The following OBSL1 variants were observed in gnomAD, a reference collection of about 807,000 sequenced individuals.
OBSL1 encodes the protein obscurin-like protein 1.
A neutral mutation model predicts 172.0 loss-of-function variants in OBSL1; 160 were observed. The observed-to-expected ratio is 0.93, with a 90% CI of 0.82 to 1.06. The LOEUF (loss-of-function observed/expected upper bound fraction) is 1.06. OBSL1 is among the 50% of genes least tolerant of loss of function. The probability of loss-of-function intolerance (pLI) is 0.00; values close to 1 mark genes in which losing one functional copy is unlikely to be tolerated. For synonymous variants in OBSL1, 1,200 were observed against 1,196.3 expected, an observed-to-expected ratio of 1.00 and a Z score of -0.06; for missense variants, 2,681 against 2,715.4, an observed-to-expected ratio of 0.99 and a Z score of 0.28.
intron 13 of OBSL1, 57 bp downstream of exon 13, chr2:219,556,397 C>A: frequency 6.2e-7 from 1 of 1,600,904 alleles, no homozygotes; most frequent in Non-Finnish European, 8.5e-7. Flanking sequence ...CTGCTGGAAT[C>A]CTGGTTGGGA....
At position 219,568,871 on chromosome 2, in the gene OBSL1, A is replaced by G. The variant is rs534534790; in HGVS notation, c.1013-547T>C. On this transcript the variant is annotated intron_variant, in intron 1 of 20. Transcript: ENST00000404537. This position sits in a 1 kb window ranked among gnomAD's most constrained non-coding sequence, Gnocchi z 4.1. ...GCAATTCTGGTGCCTCAGCCTCTCAAGTAGAGCTGGGATTACAGGCAGGCG... is the reference window on the plus strand; with the variant it reads ...GCAATTCTGGTGCCTCAGCCTCTCAGGTAGAGCTGGGATTACAGGCAGGCG... 3.9e-5 allele frequency among the ~76,000 whole-genome samples: 6 copies of G among 151,954 alleles called. No individual in the cohort carries two copies. The highest frequency in any genetic ancestry group is 1.4e-4 in the African/African-American group (6 of 41,484).
In OBSL1 at chr2:219,568,465, A is replaced by G. The variant is rs1697097752; in HGVS notation, c.1013-141T>C. 8.4e-6 allele frequency: 7 copies of G among 829,554 alleles called. 1 individual carries two copies. The South Asian group carries it at 1.3e-4, about 15-fold the overall frequency. 51.4% of individuals were successfully genotyped at this position (829,554 alleles called of 1,614,324 possible). A position where few individuals can be genotyped will look rare whatever the true frequency, so the allele number is the denominator to read the frequency against. On this transcript the variant is annotated intron_variant, in intron 1 of 20. Transcript: ENST00000404537. This position sits in a 1 kb window ranked among gnomAD's most constrained non-coding sequence, Gnocchi z 4.1. ...CACTGTGGAATCACAGAAAACTACC[A>G]GAAGGGAAGTGGTGGTTCCTAAGAT...
intron 5 of OBSL1, among the ~76,000 whole-genome samples, chr2:219,565,843 C>T (rs1004587494): frequency 1.3e-5 from 2 of 152,176 alleles, no homozygotes; most frequent in Admixed American, 6.5e-5. Flanking sequence ...GCCCCTCTGC[C>T]TGCGATGCTG....
chr2:219,552,493 G>A (rs752610663), intron 18 of OBSL1, 43 bp downstream of exon 18: 18 of 1,555,006 alleles, frequency 1.2e-5, no homozygotes, highest in Non-Finnish European at 1.4e-5. Flanking sequence ...TCGAGCCTGG[G>A]CGGGGCAGCG....
rs563580301 is a variant in OBSL1 at position 219,568,109 on chromosome 2, A to G, written c.1228T>C (p.Tyr410His). 1.2e-4 allele frequency: 200 copies of G among 1,613,788 alleles called. 1 individual carries two copies. In the South Asian group the frequency reaches 1.9e-3, roughly 15 times the overall value. The change falls in exon 2 of 21, where the codon TAC becomes CAC. Residue 410 changes from tyrosine to histidine, a missense_variant. Around this residue, in one of 5 missense-constraint regions of OBSL1, gnomAD observed 706 missense variants for 695.8 expected, o/e 1.01. Coordinates refer to ENST00000404537, the MANE Select transcript of OBSL1 (RefSeq NM_015311.3). This position sits in a 1 kb window ranked among gnomAD's most constrained non-coding sequence, Gnocchi z 4.1. The stretch of plus-strand genomic sequence containing the variant: ...ACCCGGCCCCGCATCTCGCACAGGT[A>G]GATACCATCATCGTCTGCCTTCAGC... The part of the protein sequence containing the change: ...HRLKADDDGI[Y>H]LCEMRGRVRT...
At chr2:219,555,217 A>G (rs1273093871) in intron 14 of OBSL1, 1 of 157,492 alleles carries the variant, frequency 6.3e-6, no homozygotes, top group African/African-American at 2.4e-5. Context: ...TGTGTCACAA[A>G]TGACAACCAT....
At chr2:219,567,678 C>T (rs1326417565) in intron 3 of OBSL1, 40 bp downstream of exon 3, 3 of 1,594,686 alleles carry the variant, frequency 1.9e-6, no homozygotes, top group Non-Finnish European at 2.6e-6. Context: ...GGCCAACCTC[C>T]TGCCCTGCCT....
chr2:219,556,644 T>C lies in OBSL1; in HGVS notation c.4146A>G (p.Glu1382=), dbSNP rs1348324212. The change falls in exon 13 of 21, where the codon GAA becomes GAG. Residue 1382 remains glutamate (E), a synonymous_variant. Transcript: ENST00000404537. The part of the protein sequence containing the change: ...HEGDDATFRC[E]VSPPDADVTW... The stretch of plus-strand genomic sequence containing the variant: ...TGACATCGGCATCTGGTGGGGAGAC[T>C]TCACACCGGAACGTGGCATCATCGC... 1 of 1,613,506 alleles carries C rather than the reference T, an allele frequency of 6.2e-7. No individual in the cohort carries two copies. The highest frequency in any genetic ancestry group is 8.5e-7 in the Non-Finnish European group (1 of 1,179,622).
rs770407031 is a variant in OBSL1 at position 219,563,622 on chromosome 2, G to C, written c.2413C>G (p.Pro805Ala). Residue 805 changes from proline to alanine, a missense_variant, in exon 7 of 21, where the codon CCC (proline) becomes GCC (alanine). Transcript: ENST00000404537. ...TCTCGGGGGTCCACGATGTGCACGGGAGGATCTGGGTGGGAAGCAGAGATG... is the reference window on the plus strand; with the variant it reads ...TCTCGGGGGTCCACGATGTGCACGGCAGGATCTGGGTGGGAAGCAGAGATG... ...AFFGVTVQDP[P>A]VHIVDPREHV... 27 of 1,610,922 alleles carry C rather than the reference G, an allele frequency of 1.7e-5. No individual in the cohort carries two copies. The South Asian group carries it at 2.1e-4, about 12-fold the overall frequency.
chr2:219,567,353 C>T lies in OBSL1; in HGVS notation c.1757G>A (p.Gly586Asp). The change falls in exon 4 of 21, where the codon GGT (glycine) becomes GAT (aspartate). Residue 586 changes from glycine (G) to aspartate (D), a missense_variant. This residue lies in a region of OBSL1 where 706 missense variants were observed against 695.8 expected (regional missense o/e 1.01). Transcript: ENST00000404537. ...TGTGCAGATGCGGAAGCGGTAGTCA[C>T]CCTCGGAGGGCACACAGTCGCCCGG... ...EVPGDCVPSEGDYRFRICTVS... is the reference protein window; with the variant it reads ...EVPGDCVPSEDDYRFRICTVS... 2 of 1,612,550 alleles carry T rather than the reference C, an allele frequency of 1.2e-6. No individual in the cohort carries two copies. Among genetic ancestry groups the T allele is most frequent in the Non-Finnish European group, 1.7e-6 (2 of 1,179,164 alleles).
chr2:219,549,176 G>A (rs763015024), downstream of OBSL1: 21 of 1,613,854 alleles, frequency 1.3e-5, no homozygotes, highest in African/African-American at 9.3e-5. Context: ...CAGCGCCGAC[G>A]CGTGCAACTG....
chr2:219,553,821 GTCCAAGAAGGATCTGTCAGT>G, intron 15 of OBSL1, 135 bp from the exon 16 acceptor site: 1 of 402,638 alleles, frequency 2.5e-6, no homozygotes. Context: ...GGGACAAGTG[GTCCAAGAAGGATCTGTCAGT>G]GGTGGGGGTG....
At position 219,557,425 on chromosome 2, in the gene OBSL1, C is replaced by T. The variant is rs1234259832; in HGVS notation, c.3984G>A (p.Val1328=). ...CAGCGTCCCCGCTCCGTGCCCCCTG[C>T]ACCCGCAGCACCTGCCTGGCCCCGG... ...EQAGARQVLR[V]QGARSGDAGE... Residue 1328 remains valine (V), a synonymous_variant, in exon 12 of 21, where the codon GTG becomes GTA. Coordinates refer to ENST00000404537, the MANE Select transcript of OBSL1 (RefSeq NM_015311.3). 6.5e-7 allele frequency: 1 copy of T among 1,548,630 alleles called. No individual in the cohort carries two copies. Among genetic ancestry groups the T allele is most frequent in the East Asian group, 2.4e-5 (1 of 40,934 alleles).
At position 219,559,390 on chromosome 2, in the gene OBSL1, G is replaced by C. The variant is rs555893343; in HGVS notation, c.3061C>G (p.Arg1021Gly). Residue 1021 changes from arginine (R) to glycine (G), a missense_variant, in exon 9 of 21, where the codon CGC (arginine) becomes GGC (glycine). By Grantham distance (125) the Arg-to-Gly change is moderately radical. Around this residue, in one of 5 missense-constraint regions of OBSL1, gnomAD observed 1,765 missense variants for 1,748.3 expected, o/e 1.01. Transcript: ENST00000404537. ...ACTTCCAGCCCATCCTTGTACCAGC[G>C]CACAGGGGCATCCTCCCGAGACAGT... ...CELSREDAPV[R>G]WYKDGLEVEE... is the part of the protein sequence containing the mutation. 1.5e-5 allele frequency: 25 copies of C among 1,613,740 alleles called. No individual in the cohort carries two copies. Among genetic ancestry groups the C allele is most frequent in the Non-Finnish European group, 2.1e-5 (25 of 1,179,884 alleles).
At chr2:219,563,747 G>T in intron 6 of OBSL1, 120 bp from the exon 7 acceptor site, 1 of 1,086,420 alleles carries the variant, frequency 9.2e-7, no homozygotes, top group Non-Finnish European at 1.4e-6. Flanking sequence ...CTAAGGTCCT[G>T]CTGTGTAGGG....
chr2:219,551,844 C>T (rs1485036373), intron 19 of OBSL1, 46 bp from the exon 20 acceptor site: 2 of 1,279,128 alleles, frequency 1.6e-6, no homozygotes, highest in South Asian at 1.3e-5. Context: ...ACACGCATGG[C>T]CCCCAGGAGG....
intron 12 of OBSL1, 73 bp downstream of exon 12, chr2:219,557,270 A>G (rs1198981413): frequency 2.7e-5 from 37 of 1,388,136 alleles, no homozygotes; most frequent in Non-Finnish European, 3.5e-5. Flanking sequence ...GTGGAGGAGT[A>G]AGGGGGCCCT....
In OBSL1 at chr2:219,557,896, A is replaced by G. The variant is rs564194984; in HGVS notation, c.3717T>C (p.His1239=). The G allele has an allele frequency of 7.5e-6, 12 of 1,602,476 alleles. 1 individual carries two copies. In the South Asian group the frequency reaches 8.8e-5, roughly 12 times the overall value. Residue 1239 remains histidine, a synonymous_variant, in exon 11 of 21, where the codon CAT becomes CAC. Coordinates refer to ENST00000404537, the MANE Select transcript of OBSL1 (RefSeq NM_015311.3). The part of the protein sequence containing the change: ...VLCIQAAGPA[H]AGLYTCQSGA... ...CAGACTGGCAGGTGTAGAGCCCTGC[A>G]TGGGCTGGGCCTGCAGCCTGGATGC...
Position 219,568,209 on chromosome 2 carries a change from C to T in OBSL1, c.1128G>A (p.Glu376=), listed in dbSNP as rs1182161607. Residue 376 remains glutamate (E), a synonymous_variant, in exon 2 of 21, where the codon GAG becomes GAA. Transcript: ENST00000404537. This position sits in a 1 kb window ranked among gnomAD's most constrained non-coding sequence, Gnocchi z 4.1. ...NSRIPTAWFR[E]DQRLLPCRKY... ...TGCGGCAGGGCAGCAGCCGCTGGTC[C>T]TCACGGAACCAGGCCGTGGGGATGC... The T allele has an allele frequency of 6.2e-7, 1 of 1,613,680 alleles. No homozygotes were observed. Among genetic ancestry groups the T allele is most frequent in the South Asian group, 1.1e-5 (1 of 91,080 alleles).
Sources: allele counts gnomAD v4.1 joint callset (sites outside exome capture counted in the v4.1 genomes callset), GRCh38; gene constraint gnomAD v4.1.1; regional missense constraint gnomAD v4.1.1; non-coding constraint Gnocchi (gnomAD v3.1); transcripts MANE v1.5; gene names NCBI Gene and HGNC (gene_info 2026-07-23, HGNC 2026-07-21).